The following SLC7A6OS variants were observed in gnomAD, a reference collection of about 807,000 sequenced individuals.
The protein encoded by SLC7A6OS is solute carrier family 7 member 6 opposite strand, also known as probable RNA polymerase II nuclear localization protein SLC7A6OS.
Under a neutral mutation model 34.3 loss-of-function variants are expected in SLC7A6OS, and 22 were observed. The ratio of observed to expected loss-of-function variants is 0.64; its 90% CI spans 0.46 to 0.92. The LOEUF (loss-of-function observed/expected upper bound fraction) is 0.92. Among genes scored for constraint, SLC7A6OS ranks in the 40% least tolerant of loss-of-function variants. SLC7A6OS has a pLI of 0.00. For synonymous variants in SLC7A6OS, 199 were observed against 165.0 expected, an observed-to-expected ratio of 1.21 and a Z score of -1.58; for missense variants, 434 against 407.7, an observed-to-expected ratio of 1.06 and a Z score of -0.56.
In SLC7A6OS at chr16:68,300,952, C is replaced by T. The variant is rs938832028; in HGVS notation, c.*323G>A. On this transcript the variant is annotated 3_prime_UTR_variant, in exon 5 of 5. Coordinates refer to ENST00000263997, the MANE Select transcript of SLC7A6OS (RefSeq NM_032178.3). ...GGAACCTCCCCCTCCCTTGTGGTTT[C>T]AGCACAGAACCTGAATGCCAGGAAA... 9.8e-7 allele frequency: 1 copy of T among 1,016,176 alleles called. No homozygotes were observed. Among genetic ancestry groups the T allele is most frequent in the Admixed American group, 5.7e-5 (1 of 17,446 alleles). 62.9% of individuals were successfully genotyped at this position (1,016,176 alleles called of 1,614,324 possible).
intron 4 of SLC7A6OS, 34 bp from the exon 5 acceptor site, chr16:68,301,439 T>C (rs1375634651): frequency 3.1e-6 from 5 of 1,601,132 alleles, no homozygotes; most frequent in Non-Finnish European, 8.5e-7. Flanking sequence ...ATTCTAAATG[T>C]GATTTTCCTA....
Position 68,298,685 on chromosome 16 carries a change from T to C in SLC7A6OS, c.*2590A>G, listed in dbSNP as rs2043217102. 6.6e-6 allele frequency: 1 copy of C among 152,292 alleles called. No individual in the cohort carries two copies. The highest frequency in any genetic ancestry group is 1.9e-4 in the East Asian group (1 of 5,194). 9.4% of individuals were successfully genotyped at this position (152,292 alleles called of 1,614,324 possible). ...GCTGCTTCAACCTGAGTCCGGCTCT[T>C]CAGCAGGCTGCACAAGTGGAAGCAA... On this transcript the variant is annotated 3_prime_UTR_variant, in exon 5 of 5. Coordinates refer to ENST00000263997, the MANE Select transcript of SLC7A6OS (RefSeq NM_032178.3).
At position 68,310,345 on chromosome 16, in the gene SLC7A6OS, C is replaced by G. The variant is rs1158414047; in HGVS notation, c.461G>C (p.Gly154Ala). The G allele has an allele frequency of 1.6e-5, 25 of 1,602,718 alleles. No homozygotes were observed. Among genetic ancestry groups the G allele is most frequent in the Non-Finnish European group, 1.8e-5 (21 of 1,172,288 alleles). The change falls in exon 2 of 5, where the codon GGC (glycine) becomes GCC (alanine). Residue 154 changes from glycine (G) to alanine (A), a missense_variant. Coordinates refer to ENST00000263997, the MANE Select transcript of SLC7A6OS (RefSeq NM_032178.3). ...EEGEPEAASA[G>A]SCKTSDPDVI... ...CAGGGGCATACTCACTTTGCAGGAG[C>G]CTGCAGAGGCGGCTTCAGGTTCTCC... is the stretch of plus-strand genomic sequence containing the variant.
Position 68,301,379 on chromosome 16 carries a change from C to T in SLC7A6OS, c.826G>A (p.Glu276Lys). The change falls in exon 5 of 5, where the codon GAG becomes AAG. Residue 276 changes from glutamate (E) to lysine (K), a missense_variant. By Grantham distance (56) the Glu-to-Lys change is moderately conservative. Coordinates refer to ENST00000263997, the MANE Select transcript of SLC7A6OS (RefSeq NM_032178.3). The stretch of plus-strand genomic sequence containing the variant: ...TGTCTGCTGCTGCCTCTTTCCTCCT[C>T]ACTCAGGCTGTTGTAGTCAGCAGAG... ...RGSADYNSLS[E>K]EERGSSRQRM... is the part of the protein sequence containing the mutation. The T allele has an allele frequency of 6.2e-7, 1 of 1,614,164 alleles. No individual in the cohort carries two copies. The highest frequency in any genetic ancestry group is 8.5e-7 in the Non-Finnish European group (1 of 1,180,014).
In SLC7A6OS at chr16:68,298,122, T is replaced by C. The variant is rs1424646163; in HGVS notation, c.*3153A>G. ...TCACGTTACAAGCACTTGGCTCAGG[T>C]CCAGCAAGGACAGATGAACAAATTC... On this transcript the variant is annotated 3_prime_UTR_variant, in exon 5 of 5. Coordinates refer to ENST00000263997, the MANE Select transcript of SLC7A6OS (RefSeq NM_032178.3). 1 of 152,674 alleles carries C rather than the reference T, an allele frequency of 6.5e-6. No homozygotes were observed. The highest frequency in any genetic ancestry group is 6.5e-5 in the Admixed American group (1 of 15,284). The allele number at this position is 152,674 out of a possible 1,614,324, so 9.5% of individuals were successfully genotyped here.
At chr16:68,304,569 G>A (rs1222501252) in intron 2 of SLC7A6OS, among the ~76,000 whole-genome samples, 1 of 151,984 alleles carries the variant, frequency 6.6e-6, no homozygotes, top group Non-Finnish European at 1.5e-5. Context: ...TAATCTGCCC[G>A]CCCCAGCCTC....
chr16:68,301,328 C>G lies in SLC7A6OS; in HGVS notation c.877G>C (p.Asp293His). The G allele has an allele frequency of 6.2e-7, 1 of 1,614,190 alleles. No individual in the cohort carries two copies. Among genetic ancestry groups the G allele is most frequent in the Non-Finnish European group, 8.5e-7 (1 of 1,180,022 alleles). ...RQRMWSKYPL[D>H]VQKEFGYDSP... is the part of the protein sequence containing the mutation. Reference sequence around the variant, plus strand: ...TCATAGCCGAACTCCTTCTGCACATCCAGAGGGTACTTGCTCCACATCCGC... The same window carrying G: ...TCATAGCCGAACTCCTTCTGCACATGCAGAGGGTACTTGCTCCACATCCGC... The change falls in exon 5 of 5, where the codon GAT becomes CAT. Residue 293 changes from aspartate (D) to histidine (H), a missense_variant. Physicochemically the swap from Asp to His is moderately conservative, Grantham distance 81 (BLOSUM62 -1). Coordinates refer to ENST00000263997, the MANE Select transcript of SLC7A6OS (RefSeq NM_032178.3).
In SLC7A6OS at chr16:68,310,187, T is replaced by A. The variant is rs2043435086; in HGVS notation, c.471+148A>T. 3.4e-6 allele frequency: 3 copies of A among 895,512 alleles called. No individual in the cohort carries two copies. In the East Asian group the frequency reaches 8.1e-5, roughly 24 times the overall value. The allele number at this position is 895,512 out of a possible 1,614,324, so 55.5% of individuals were successfully genotyped here. A position where few individuals can be genotyped will look rare whatever the true frequency, so the allele number is the denominator to read the frequency against. On this transcript the variant is annotated intron_variant, in intron 2 of 4. Coordinates refer to ENST00000263997, the MANE Select transcript of SLC7A6OS (RefSeq NM_032178.3). ...ATCGTAGGCACGTAGTAAACACATG[T>A]TGGATGAACAACCAAATCTGTAAAA...
At chr16:68,301,677 T>C (rs1205347633) in intron 4 of SLC7A6OS, 3 of 267,544 alleles carry the variant, frequency 1.1e-5, no homozygotes, top group East Asian at 7.4e-5. Context: ...GATTTTTTGT[T>C]GTTGTAAGAG....
chr16:68,305,713 AG>A (rs1268461004), intron 2 of SLC7A6OS, among the ~76,000 whole-genome samples: 1 of 152,196 alleles, frequency 6.6e-6, no homozygotes, highest in Non-Finnish European at 1.5e-5. Flanking sequence ...CTATGACAAA[AG>A]TTCTGGCTCC....
intron 2 of SLC7A6OS, among the ~76,000 whole-genome samples, chr16:68,309,212 A>G (rs2043365393): frequency 6.6e-6 from 1 of 151,958 alleles, no homozygotes; most frequent in Non-Finnish European, 1.5e-5. Context: ...CTCCTGCCCC[A>G]GCCTCCCCAG....
chr16:68,301,144 C>T lies in SLC7A6OS; in HGVS notation c.*131G>A, dbSNP rs1597018595. The T allele has an allele frequency of 9.6e-6, 14 of 1,455,676 alleles. No individual in the cohort carries two copies. In the East Asian group the frequency reaches 9.8e-5, roughly 10 times the overall value. 90.2% of individuals were successfully genotyped at this position (1,455,676 alleles called of 1,614,324 possible). On this transcript the variant is annotated 3_prime_UTR_variant, in exon 5 of 5. Coordinates refer to ENST00000263997, the MANE Select transcript of SLC7A6OS (RefSeq NM_032178.3). ...TTCACTGTGGTGGGATGGTGCCGCC[C>T]GATATGCTTGATATGCTTTTCCTTC...
chr16:68,299,999 A>C lies in SLC7A6OS; in HGVS notation c.*1276T>G, dbSNP rs551056535. On this transcript the variant is annotated 3_prime_UTR_variant, in exon 5 of 5. Coordinates refer to ENST00000263997, the MANE Select transcript of SLC7A6OS (RefSeq NM_032178.3). ...GAAGGAGAGATACTTAGGAAATCCT[A>C]AAAGAGGCGGCAAGAAGGTACCTCC... is the stretch of plus-strand genomic sequence containing the variant. 6.6e-6 allele frequency: 1 copy of C among 152,310 alleles called. No homozygotes were observed. The highest frequency in any genetic ancestry group is 2.1e-4 in the South Asian group (1 of 4,826). 9.4% of individuals were successfully genotyped at this position (152,310 alleles called of 1,614,324 possible). A position where few individuals can be genotyped will look rare whatever the true frequency, so the allele number is the denominator to read the frequency against.
Position 68,299,111 on chromosome 16 carries a change from C to G in SLC7A6OS, c.*2164G>C, listed in dbSNP as rs1167296114. On this transcript the variant is annotated 3_prime_UTR_variant, in exon 5 of 5. Coordinates refer to ENST00000263997, the MANE Select transcript of SLC7A6OS (RefSeq NM_032178.3). ...GGGATTTGTAACGGCAAATTCCTGC[C>G]CGACGACAGGGTGTCTTATGCAAAG... 1.3e-5 allele frequency: 2 copies of G among 152,662 alleles called. No homozygotes were observed. Among genetic ancestry groups the G allele is most frequent in the Non-Finnish European group, 2.9e-5 (2 of 68,050 alleles). 9.5% of individuals were successfully genotyped at this position (152,662 alleles called of 1,614,324 possible). A position where few individuals can be genotyped will look rare whatever the true frequency, so the allele number is the denominator to read the frequency against.
At chr16:68,303,847 A>G (rs1567602630) in intron 3 of SLC7A6OS, 179 bp downstream of exon 3, 1 of 603,858 alleles carries the variant, frequency 1.7e-6, no homozygotes, top group Non-Finnish European at 2.9e-6. Context: ...ATCTTTCCCC[A>G]AATTCCCTGT....
chr16:68,300,679 C>A lies in SLC7A6OS; in HGVS notation c.*596G>T. The A allele has an allele frequency of 1.0e-6, 1 of 985,358 alleles. No individual in the cohort carries two copies. Among genetic ancestry groups the A allele is most frequent in the Non-Finnish European group, 1.2e-6 (1 of 829,940 alleles). 61.0% of individuals were successfully genotyped at this position (985,358 alleles called of 1,614,324 possible). Reference sequence around the variant, plus strand: ...ACATTCATATATATTGTTTCTTGGCCCCACTGCCAAAGGAAGTCAGTCAGT... The same window carrying A: ...ACATTCATATATATTGTTTCTTGGCACCACTGCCAAAGGAAGTCAGTCAGT... On this transcript the variant is annotated 3_prime_UTR_variant, in exon 5 of 5. Transcript: ENST00000263997.
At chr16:68,304,726 A>G (rs766945727) in intron 2 of SLC7A6OS, among the ~76,000 whole-genome samples, 1 of 152,170 alleles carries the variant, frequency 6.6e-6, no homozygotes, top group Non-Finnish European at 1.5e-5. Context: ...ATTAATGTGT[A>G]GTTCTTACTT....
rs780662504 is a variant in SLC7A6OS, at chr16:68,301,272, C to CCAT, written c.930_*2dup. On this transcript the variant is annotated 3_prime_UTR_variant, in exon 5 of 5. Coordinates refer to ENST00000263997, the MANE Select transcript of SLC7A6OS (RefSeq NM_032178.3). ...GCAGAACCTCATGGACATCACAAGA[C>CCAT]CATCAGTCTGAATCCAGGTCGTGGG... is the stretch of plus-strand genomic sequence containing the variant. 2 of 1,613,908 alleles carry CCAT rather than the reference C, an allele frequency of 1.2e-6. No individual in the cohort carries two copies. The highest frequency in any genetic ancestry group is 4.5e-5 in the East Asian group (2 of 44,848).
At chr16:68,304,002 C>T (rs1286867025) in intron 3 of SLC7A6OS, 24 bp downstream of exon 3, 5 of 1,605,594 alleles carry the variant, frequency 3.1e-6, no homozygotes, top group African/African-American at 1.3e-5. Context: ...GCCTCATGCC[C>T]CGTCTGCTCA....
Sources: gnomAD v4.1 joint callset for allele counts (sites outside exome capture counted in the v4.1 genomes callset) on GRCh38, gnomAD v4.1.1 for gene constraint, MANE v1.5 for transcripts, NCBI Gene and HGNC (gene_info 2026-07-23, HGNC 2026-07-21) for gene names.